Variants in MTMR9 observed in about 807,000 individuals in gnomAD.
MTMR9 encodes myotubularin-related protein 9.
A neutral mutation model predicts 69.5 loss-of-function variants in MTMR9; 39 were observed. The observed-to-expected ratio is 0.56, with a 90% CI of 0.43 to 0.73. The LOEUF (loss-of-function observed/expected upper bound fraction) is 0.73, where lower values mean the gene tolerates loss of function less well. Among genes scored for constraint, MTMR9 ranks in the 30% least tolerant of loss-of-function variants. The pLI is 0.00. For synonymous variants in MTMR9, 354 were observed against 240.8 expected (o/e 1.47, Z -4.35); for missense variants, 900 against 671.2 (o/e 1.34, Z -3.77).
chr8:11,309,461 T>G (rs946356816), intron 5 of MTMR9, 66 bp from the exon 6 acceptor site: 1 of 1,408,454 alleles, frequency 7.1e-7, no homozygotes, highest in South Asian at 1.4e-5. Flanking sequence ...GGCTGAATCT[T>G]TGGTTTGGTT....
At chr8:11,286,274 A>AG (rs1799152188) in intron 1 of MTMR9, among the ~76,000 whole-genome samples, 1 of 151,848 alleles carries the variant, frequency 6.6e-6, no homozygotes, top group Admixed American at 6.6e-5. Context: ...TTCTAATGGT[A>AG]GAATTGCAGG....
chr8:11,328,402 C>T (rs997588677), downstream of MTMR9, among the ~76,000 whole-genome samples: 1 of 150,770 alleles, frequency 6.6e-6, no homozygotes, highest in East Asian at 2.0e-4. Flanking sequence ...CTGAAACATC[C>T]GAGTTAGCTG....
chr8:11,311,411 G>T (rs1800193277), intron 6 of MTMR9, among the ~76,000 whole-genome samples: 1 of 152,196 alleles, frequency 6.6e-6, no homozygotes, highest in Non-Finnish European at 1.5e-5. Context: ...AGATGTTGCA[G>T]GTTTGGTTCC....
At chr8:11,286,003 G>C (rs894327083) in intron 1 of MTMR9, among the ~76,000 whole-genome samples, 8 of 143,344 alleles carry the variant, frequency 5.6e-5, no homozygotes, top group East Asian at 2.1e-4. Flanking sequence ...GCCCAGGCTG[G>C]AGTGCGGTGG....
chr8:11,309,997 T>A (rs1215668880), intron 6 of MTMR9, among the ~76,000 whole-genome samples: 3 of 151,844 alleles, frequency 2.0e-5, no homozygotes, highest in African/African-American at 7.3e-5. Flanking sequence ...TTTCTTAAAC[T>A]GTGAAATAGA....
At chr8:11,299,766 AT>A (rs750774960) in intron 2 of MTMR9, among the ~76,000 whole-genome samples, 1 of 152,032 alleles carries the variant, frequency 6.6e-6, no homozygotes, top group East Asian at 1.9e-4. Context: ...TGGTATGCAC[AT>A]TTTTTTGTTC....
chr8:11,288,973 C>T (rs1307065538), intron 1 of MTMR9, among the ~76,000 whole-genome samples: 7 of 152,094 alleles, frequency 4.6e-5, no homozygotes, highest in South Asian at 2.1e-4. Context: ...AGGAGTTCGA[C>T]ACAGCCTGGC....
chr8:11,335,133 C>A, the MTMR9 span, among the ~76,000 whole-genome samples: 1 of 152,266 alleles, frequency 6.6e-6, no homozygotes, highest in East Asian at 1.9e-4. Context: ...AAACAGAACT[C>A]TTTGTTCACA....
At chr8:11,328,907 A>C (rs970262945), downstream of MTMR9, among the ~76,000 whole-genome samples, 5 of 152,254 alleles carry the variant, frequency 3.3e-5, no homozygotes, top group Non-Finnish European at 7.3e-5. Flanking sequence ...GGAGTTTTAT[A>C]GTTTAAAATC....
the MTMR9 span, among the ~76,000 whole-genome samples, chr8:11,336,268 T>C: frequency 1.3e-5 from 2 of 152,324 alleles, no homozygotes; most frequent in South Asian, 2.1e-4. Flanking sequence ...AGTCTATGCA[T>C]AGCCTCCATC....
In MTMR9 at chr8:11,300,081, T is replaced by G. The variant is rs748451227; in HGVS notation, c.350T>G (p.Phe117Cys). ...LMYPFFYRPM[F>C]EVIEDGWHSF... Reference sequence around the variant, plus strand: ...TACCCTTTCTTTTACCGTCCTATGTTTGAAGTGATAGAAGATGGCTGGCAT... The same window carrying G: ...TACCCTTTCTTTTACCGTCCTATGTGTGAAGTGATAGAAGATGGCTGGCAT... The change falls in exon 3 of 10, where the codon TTT becomes TGT. Residue 117 changes from phenylalanine to cysteine, a missense_variant. Physicochemically the swap from Phe to Cys is radical, Grantham distance 205 (BLOSUM62 -2). Transcript: ENST00000221086. The G allele has an allele frequency of 1.9e-6, 3 of 1,613,626 alleles. No homozygotes were observed. Among genetic ancestry groups the G allele is most frequent in the Non-Finnish European group, 2.5e-6 (3 of 1,179,756 alleles).
At chr8:11,294,669 T>G (rs1409776179) in intron 1 of MTMR9, 1 of 152,066 alleles carries the variant, frequency 6.6e-6, no homozygotes, top group Non-Finnish European at 1.5e-5. Context: ...TTTTGTATTT[T>G]TAGCAGAGAC....
rs1290750369 is a variant in MTMR9 at position 11,327,579 on chromosome 8, AT to A, written c.*4792del. On this transcript the variant is annotated 3_prime_UTR_variant, in exon 10 of 10. Coordinates refer to ENST00000221086, the MANE Select transcript of MTMR9 (RefSeq NM_015458.4). ...GATCTAATACCATCTACACAAAAAA[AT>A]GTTGTAGTTGCAGAACTTAGTTTAT... 2.0e-4 allele frequency: 30 copies of A among 152,792 alleles called. No individual in the cohort carries two copies. Among genetic ancestry groups the A allele is most frequent in the African/African-American group, 7.2e-4 (30 of 41,586 alleles). 9.5% of individuals were successfully genotyped at this position (152,792 alleles called of 1,614,324 possible). A position where few individuals can be genotyped will look rare whatever the true frequency, so the allele number is the denominator to read the frequency against.
chr8:11,315,295 A>G (rs1800369444), intron 7 of MTMR9, among the ~76,000 whole-genome samples: 1 of 152,284 alleles, frequency 6.6e-6, no homozygotes, highest in East Asian at 1.9e-4. Flanking sequence ...GCTGTGCTTT[A>G]TCACATACAG....
the MTMR9 span, among the ~76,000 whole-genome samples, chr8:11,335,864 C>A: frequency 5.6e-4 from 86 of 152,262 alleles, no homozygotes; most frequent in East Asian, 0.012. Flanking sequence ...ATGACCTCAT[C>A]TCAACTAATT....
chr8:11,317,019 C>T, intron 8 of MTMR9, 126 bp downstream of exon 8: 1 of 546,492 alleles, frequency 1.8e-6, no homozygotes, highest in Non-Finnish European at 3.1e-6. Context: ...AAGGTAGAGG[C>T]TACAGTTAAT....
At chr8:11,334,395 T>C in the MTMR9 span, among the ~76,000 whole-genome samples, 1 of 152,186 alleles carries the variant, frequency 6.6e-6, no homozygotes, top group Non-Finnish European at 1.5e-5. Context: ...CAGAGCTGTA[T>C]AGGCATACGT....
downstream of MTMR9, chr8:11,332,196 AT>A (rs1382175619): frequency 2.6e-5 from 40 of 1,521,998 alleles, no homozygotes; most frequent in South Asian, 3.4e-4. Context: ...CAAAAAAAAA[AT>A]AAAAGAAAAA....
At position 11,315,091 on chromosome 8, in the gene MTMR9, G is replaced by A. The variant is rs775641908; in HGVS notation, c.1113+27G>A. 6 of 1,604,414 alleles carry A rather than the reference G, an allele frequency of 3.7e-6. No homozygotes were observed. In the Admixed American group the frequency reaches 6.7e-5, roughly 18 times the overall value. On this transcript the variant is annotated intron_variant, in intron 7 of 9. Transcript: ENST00000221086. Reference sequence around the variant, plus strand: ...TGAGAAGAGCTGTTTGATTCACAGAGGAACTGCTTATTGATGCTGTGATCC... The same window carrying A: ...TGAGAAGAGCTGTTTGATTCACAGAAGAACTGCTTATTGATGCTGTGATCC...
Sources: allele counts gnomAD v4.1 joint callset (sites outside exome capture counted in the v4.1 genomes callset), GRCh38; gene constraint gnomAD v4.1.1; transcripts MANE v1.5; gene names NCBI Gene and HGNC (gene_info 2026-07-23, HGNC 2026-07-21).